The following CASK variants were observed in gnomAD, a reference collection of about 807,000 sequenced individuals.
CASK encodes peripheral plasma membrane protein CASK.
Under a neutral mutation model 82.9 loss-of-function variants are expected in CASK, and 4 were observed. That is an observed-to-expected ratio of 0.05 (90% CI 0.02 to 0.11). The LOEUF (loss-of-function observed/expected upper bound fraction) is 0.11, where lower values mean the gene tolerates loss of function less well. CASK is among the 10% of genes least tolerant of loss of function. The pLI, the probability that CASK is intolerant of heterozygous loss-of-function variation, is 1.00. For synonymous variants in CASK, 259 were observed against 253.5 expected (o/e 1.02, Z -0.20); for missense variants, 358 against 720.9 (o/e 0.50, Z 5.76).
At chrX:41,884,845 C>T (rs1424386248) in intron 1 of CASK, among the ~76,000 whole-genome samples, 1 of 111,348 alleles carries the variant, frequency 9.0e-6, no homozygotes, top group African/African-American at 3.3e-5. Context: ...TGAGAAGGTG[C>T]TTAGGGCCCT....
chrX:41,800,812 A>G (rs2069980205), intron 2 of CASK, among the ~76,000 whole-genome samples: 1 of 111,563 alleles, frequency 9.0e-6, no homozygotes, highest in Admixed American at 9.6e-5. Context: ...TTCATCCATG[A>G]AGGGACCCAA....
chrX:41,700,582 T>G (rs2067773938), intron 5 of CASK, among the ~76,000 whole-genome samples: 1 of 95,268 alleles, frequency 1.0e-5, no homozygotes, highest in Admixed American at 1.2e-4. Context: ...TATATGACTT[T>G]TTTTTTTTTT....
chrX:41,558,737 TGCCA>T lies in CASK; in HGVS notation c.1737+1038_1737+1041del, dbSNP rs1263497255. The T allele has an allele frequency of 1.3e-4, 15 of 111,195 alleles. No homozygotes were observed. In the East Asian group the frequency reaches 3.9e-3, roughly 29 times the overall value. The allele number at this position is 111,195 out of a possible 1,213,427, so 9.2% of individuals were successfully genotyped here. ...GACCCGTTACAACGGACACCTCAAT[TGCCA>T]TGGCTCACCAAAAATATACTTGACA... On this transcript the variant is annotated intron_variant, in intron 18 of 26. Coordinates refer to ENST00000378163, the MANE Select transcript of CASK (RefSeq NM_001367721.1).
intron 2 of CASK, among the ~76,000 whole-genome samples, chrX:41,810,461 G>A (rs372080295): frequency 1.2e-4 from 13 of 111,254 alleles, no homozygotes; most frequent in African/African-American, 1.6e-4. Context: ...TTTTCAACCC[G>A]GAATTTCATA....
intron 3 of CASK, among the ~76,000 whole-genome samples, chrX:41,761,758 G>C (rs1193618162): frequency 2.7e-5 from 3 of 111,902 alleles, no homozygotes; most frequent in African/African-American, 9.7e-5. Context: ...AGAAGTCCTT[G>C]AATGTTCAAA....
At chrX:41,795,550 C>T (rs2069835925) in intron 2 of CASK, among the ~76,000 whole-genome samples, 4 of 110,916 alleles carry the variant, frequency 3.6e-5, no homozygotes, top group African/African-American at 1.3e-4. Flanking sequence ...CCTGTAGTCC[C>T]AGCTACTCAG....
intron 3 of CASK, among the ~76,000 whole-genome samples, chrX:41,763,316 CT>C (rs2069039790): frequency 9.0e-6 from 1 of 110,893 alleles, no homozygotes. Flanking sequence ...TTCCTGAGAT[CT>C]TTTTTCCTAG....
intron 1 of CASK, among the ~76,000 whole-genome samples, chrX:41,912,300 GTTTTTTTT>G (rs774775542): frequency 2.8e-4 from 15 of 53,175 alleles, no homozygotes; most frequent in East Asian, 1.2e-3. Context: ...TTTGTTTTCT[GTTTTTTTT>G]TTTTTTTTTT....
At chrX:41,552,440 A>G (rs2065113086) in intron 21 of CASK, 1 of 111,512 alleles carries the variant, frequency 9.0e-6, no homozygotes, top group African/African-American at 3.3e-5. Flanking sequence ...TTGGTGAAAC[A>G]TTTATATAGA....
In CASK at chrX:41,830,616, C is replaced by G. The variant is rs187171202; in HGVS notation, c.172+22499G>C. Among the ~76,000 whole-genome samples the G allele has an allele frequency of 8.5e-3, 918 of 107,406 alleles. 4 individuals are homozygous for G. Among genetic ancestry groups the G allele is most frequent in the African/African-American group, 0.024 (707 of 29,534 alleles). The allele number at this position is 107,406 out of a possible 115,157, so 93.3% of individuals were successfully genotyped here. ...TGGGCGGATCATGAAGTCAGTAGAT[C>G]GAGACCATCCTGGCTAACTCGGTGA... is the stretch of plus-strand genomic sequence containing the variant. On this transcript the variant is annotated intron_variant, in intron 2 of 26. Coordinates refer to ENST00000378163, the MANE Select transcript of CASK (RefSeq NM_001367721.1).
chrX:41,627,173 CT>C (rs1393463085), intron 9 of CASK, among the ~76,000 whole-genome samples: 33 of 111,887 alleles, frequency 2.9e-4, no homozygotes, highest in Non-Finnish European at 6.0e-4. Context: ...TGTCATTTTT[CT>C]TTTTAAAATC....
intron 3 of CASK, among the ~76,000 whole-genome samples, chrX:41,762,963 G>A (rs2069031096): frequency 9.0e-6 from 1 of 111,127 alleles, no homozygotes; most frequent in South Asian, 3.8e-4. Context: ...ACAGCAGTGG[G>A]CTTCTGTTTG....
intron 3 of CASK, among the ~76,000 whole-genome samples, chrX:41,768,532 G>A (rs2069156329): frequency 9.0e-6 from 1 of 110,807 alleles, no homozygotes; most frequent in African/African-American, 3.3e-5. Flanking sequence ...GTTCATTCTA[G>A]CCTTCCCTAT....
chrX:41,555,344 C>T (rs2065147026), intron 20 of CASK, among the ~76,000 whole-genome samples: 1 of 111,607 alleles, frequency 9.0e-6, no homozygotes, highest in African/African-American at 3.3e-5. Flanking sequence ...CAGCCACCCC[C>T]AAAGGCTGAA....
At chrX:41,637,756 AC>A in intron 8 of CASK, among the ~76,000 whole-genome samples, 2 of 110,376 alleles carry the variant, frequency 1.8e-5, no homozygotes. Flanking sequence ...CAATCCTCCC[AC>A]CTCAGCCTCC....
chrX:41,918,820 A>G (rs1395858519), intron 1 of CASK, among the ~76,000 whole-genome samples: 1 of 112,494 alleles, frequency 8.9e-6, no homozygotes, highest in Non-Finnish European at 1.9e-5. Flanking sequence ...TTTTAAGCCA[A>G]TGATTCCTCA....
At chrX:41,778,130 T>C (rs2147811531) in intron 3 of CASK, among the ~76,000 whole-genome samples, 1 of 112,296 alleles carries the variant, frequency 8.9e-6, no homozygotes, top group South Asian at 3.7e-4. Context: ...TTTATTTCTG[T>C]TACAATTTTT....
chrX:41,556,733 A>C (rs1460204323), intron 19 of CASK, among the ~76,000 whole-genome samples: 1 of 112,632 alleles, frequency 8.9e-6, no homozygotes. Context: ...ATTTCCGTTT[A>C]CATCCTTTGC....
At chrX:41,850,859 A>G (rs1490644348) in intron 2 of CASK, among the ~76,000 whole-genome samples, 2 of 111,699 alleles carry the variant, frequency 1.8e-5, no homozygotes, top group Non-Finnish European at 3.8e-5. Context: ...ACTATTTATT[A>G]CATATATTAT....
Sources: allele counts gnomAD v4.1 joint callset (sites outside exome capture counted in the v4.1 genomes callset), GRCh38; gene constraint gnomAD v4.1.1; transcripts MANE v1.5; gene names NCBI Gene and HGNC (gene_info 2026-07-23, HGNC 2026-07-21).